Variants in DIS3L2 observed in about 807,000 individuals in gnomAD.
DIS3L2 encodes DIS3-like exonuclease 2.
A neutral mutation model predicts 97.5 loss-of-function variants in DIS3L2; 34 were observed. The ratio of observed to expected loss-of-function variants is 0.35; its 90% CI spans 0.27 to 0.46. DIS3L2 has a LOEUF of 0.46. Ranked by LOEUF, DIS3L2 falls within the 20% of genes least tolerant of loss-of-function variation. The pLI is 1.00. For missense variants in DIS3L2, 1,038 were observed against 1,146.0 expected (o/e 0.91, Z 1.36); for synonymous variants, 435 against 445.2 (o/e 0.98, Z 0.29).
intron 5 of DIS3L2, among the ~76,000 whole-genome samples, chr2:232,032,475 T>A (rs987594079): frequency 1.3e-5 from 2 of 152,234 alleles, no homozygotes; most frequent in African/African-American, 4.8e-5. Context: ...GATGATAGTT[T>A]CTTTTGCTGT....
intron 14 of DIS3L2, among the ~76,000 whole-genome samples, chr2:232,311,880 C>T (rs1695143630): frequency 1.3e-5 from 2 of 152,108 alleles, no homozygotes; most frequent in Admixed American, 6.5e-5. Flanking sequence ...TCTGCTTGTA[C>T]ATGTCTTTTG....
chr2:232,075,565 G>T (rs1026470829), intron 5 of DIS3L2, among the ~76,000 whole-genome samples: 4 of 152,092 alleles, frequency 2.6e-5, no homozygotes, highest in African/African-American at 7.2e-5. Flanking sequence ...CCTCTAATCT[G>T]ATTTCTGTCC....
intron 8 of DIS3L2, among the ~76,000 whole-genome samples, chr2:232,137,957 G>C (rs1698404393): frequency 1.3e-5 from 2 of 152,186 alleles, no homozygotes; most frequent in African/African-American, 2.4e-5. Flanking sequence ...TAACGGTTGT[G>C]CCACCTGGTC....
rs1315348738 is a variant in DIS3L2 at position 232,249,230 on chromosome 2, T to C, written c.1318-9T>C. 2 of 1,613,354 alleles carry C rather than the reference T, an allele frequency of 1.2e-6. No homozygotes were observed. Among genetic ancestry groups the C allele is most frequent in the South Asian group, 2.2e-5 (2 of 90,962 alleles). On this transcript the variant is annotated splice_polypyrimidine_tract_variant and intron_variant, in intron 11 of 20. Transcript: ENST00000325385. ...GAAAGGTGCTCATGGGCCTGTGCTC[T>C]ATTTACAGGTGGTCCCCATGCTTCC...
intron 10 of DIS3L2, among the ~76,000 whole-genome samples, chr2:232,237,998 G>A (rs1692979740): frequency 6.6e-6 from 1 of 152,122 alleles, no homozygotes; most frequent in Admixed American, 6.5e-5. Flanking sequence ...ATGAATAACA[G>A]GCTAAGAGTA....
intron 12 of DIS3L2, among the ~76,000 whole-genome samples, chr2:232,252,482 G>A (rs967672207): frequency 6.6e-6 from 1 of 152,228 alleles, no homozygotes; most frequent in Non-Finnish European, 1.5e-5. Flanking sequence ...CATTCTGTCT[G>A]TTAGAATCAG....
intron 4 of DIS3L2, among the ~76,000 whole-genome samples, chr2:232,029,537 C>T (rs377157805): frequency 6.6e-6 from 1 of 151,576 alleles, no homozygotes; most frequent in East Asian, 1.9e-4. Context: ...TCAGCAAGGT[C>T]GGTAGAGTGT....
At chr2:232,247,613 CCGCGGGG>C (rs1205917461) in intron 11 of DIS3L2, among the ~76,000 whole-genome samples, 9 of 12,384 alleles carry the variant, frequency 7.3e-4, no homozygotes, top group South Asian at 3.0e-3. Flanking sequence ...CATATAACTG[CCGCGGGG>C]GGGGGGGGGG....
At chr2:232,170,636 G>A (rs1369898071) in intron 9 of DIS3L2, among the ~76,000 whole-genome samples, 1 of 152,006 alleles carries the variant, frequency 6.6e-6, no homozygotes, top group East Asian at 1.9e-4. Context: ...ATGTCGTCCT[G>A]CCAACTAGTG....
intron 11 of DIS3L2, among the ~76,000 whole-genome samples, chr2:232,243,699 C>T (rs934682446): frequency 6.6e-6 from 1 of 152,162 alleles, no homozygotes; most frequent in Non-Finnish European, 1.5e-5. Context: ...AGTTTCTTCC[C>T]AATTCTGGCA....
rs767597086 is a variant in DIS3L2 at position 232,333,836 on chromosome 2, G to A, written c.2011-4G>A. ...GTCAGGCTCTGACCCATCCCGTCCC[G>A]CAGATGGCACTGTACTTCTGCTCGG... is the stretch of plus-strand genomic sequence containing the variant. On this transcript the variant is annotated splice_region_variant and splice_polypyrimidine_tract_variant and intron_variant, in intron 16 of 20. Coordinates refer to ENST00000325385, the MANE Select transcript of DIS3L2 (RefSeq NM_152383.5). 3.0e-5 allele frequency: 48 copies of A among 1,607,916 alleles called. No homozygotes were observed. The highest frequency in any genetic ancestry group is 1.1e-4 in the East Asian group (5 of 44,840).
At position 232,336,954 on chromosome 2, in the gene DIS3L2, A is replaced by G; in HGVS notation, c.*324A>G. On this transcript the variant is annotated 3_prime_UTR_variant, in exon 21 of 21. Transcript: ENST00000325385. ...GGGTTTCAGCAACTCAGTGTCACAGAATAAAATCAAGTGTGGAGTGCCATC... is the reference window on the plus strand; with the variant it reads ...GGGTTTCAGCAACTCAGTGTCACAGGATAAAATCAAGTGTGGAGTGCCATC... The G allele has an allele frequency of 8.5e-7, 1 of 1,176,170 alleles. No individual in the cohort carries two copies. The highest frequency in any genetic ancestry group is 1.1e-6 in the Non-Finnish European group (1 of 945,300). The allele number at this position is 1,176,170 out of a possible 1,614,324, so 72.9% of individuals were successfully genotyped here.
rs1694976839 is a variant in DIS3L2 at position 232,037,269 on chromosome 2, CA to C, written c.366+7190del. On this transcript the variant is annotated intron_variant, in intron 5 of 20. Transcript: ENST00000325385. This position sits in a 1 kb window ranked among gnomAD's most constrained non-coding sequence, Gnocchi z 4.6. ...GGACTCTAGAGAGGTAGTCTGGCTA[CA>C]GGGGCTTTGCGGTGCTGTGGTGGGC... 6.6e-6 allele frequency among the ~76,000 whole-genome samples: 1 copy of C among 152,228 alleles called. No homozygotes were observed.
chr2:232,260,480 GCA>G (rs1693686290), intron 12 of DIS3L2: 1 of 152,256 alleles, frequency 6.6e-6, no homozygotes, highest in Non-Finnish European at 1.5e-5. Flanking sequence ...TTTGCCCACA[GCA>G]CACACATGCT....
At chr2:232,078,314 G>A (rs1039949567) in intron 5 of DIS3L2, among the ~76,000 whole-genome samples, 5 of 152,128 alleles carry the variant, frequency 3.3e-5, no homozygotes, top group African/African-American at 1.2e-4. Flanking sequence ...AAAGTGCTGG[G>A]ATAATAGGCA....
rs1694625151 is a variant in DIS3L2, at chr2:232,292,325, G to C, written c.1660-7715G>C. Among the ~76,000 whole-genome samples the C allele has an allele frequency of 6.6e-6, 1 of 152,282 alleles. No individual in the cohort carries two copies. Among genetic ancestry groups the C allele is most frequent in the Admixed American group, 6.5e-5 (1 of 15,306 alleles). On this transcript the variant is annotated intron_variant, in intron 13 of 20. Transcript: ENST00000325385. The surrounding 1 kb of genome is among the most constrained non-coding windows in gnomAD (Gnocchi z 4.4). ...GCAGCAATAATCTGAGCAGCCTGAG[G>C]AAGCTGTACATAGTCCTCAGTCACT... is the stretch of plus-strand genomic sequence containing the variant.
intron 9 of DIS3L2, among the ~76,000 whole-genome samples, chr2:232,207,245 T>C (rs1037684743): frequency 6.6e-6 from 1 of 152,204 alleles, no homozygotes; most frequent in Non-Finnish European, 1.5e-5. Context: ...TGGTTAGATT[T>C]TATGGGAGAT....
chr2:232,010,038 G>C (rs1186359929), intron 1 of DIS3L2, among the ~76,000 whole-genome samples: 1 of 152,154 alleles, frequency 6.6e-6, no homozygotes, highest in African/African-American at 2.4e-5. Context: ...CAAGGAATTG[G>C]GAGCGAGTGT....
chr2:232,209,992 T>C (rs1692142149), intron 9 of DIS3L2, among the ~76,000 whole-genome samples: 1 of 152,132 alleles, frequency 6.6e-6, no homozygotes, highest in African/African-American at 2.4e-5. Context: ...AATTGAAGAG[T>C]AATTTACCAA....
Sources: allele counts gnomAD v4.1 joint callset (sites outside exome capture counted in the v4.1 genomes callset), GRCh38; gene constraint gnomAD v4.1.1; non-coding constraint Gnocchi (gnomAD v3.1); transcripts MANE v1.5; gene names NCBI Gene and HGNC (gene_info 2026-07-23, HGNC 2026-07-21).